Variants in GRAMD4 observed in about 807,000 individuals in gnomAD.
GRAMD4 encodes GRAM domain containing 4.
In GRAMD4, 25 loss-of-function variants were observed where a neutral mutation model predicts 83.9. That is an observed-to-expected ratio of 0.30 (90% CI 0.22 to 0.42). The LOEUF (loss-of-function observed/expected upper bound fraction) is 0.42, where lower values mean the gene tolerates loss of function less well. Among genes scored for constraint, GRAMD4 ranks in the 10% least tolerant of loss-of-function variants. The probability of loss-of-function intolerance (pLI) is 1.00; values close to 1 mark genes in which losing one functional copy is unlikely to be tolerated. For missense variants in GRAMD4, 593 were observed against 788.7 expected (o/e 0.75, Z 2.97); for synonymous variants, 336 against 320.9 (o/e 1.05, Z -0.50).
chr22:46,609,126 C>T (rs943439609), intron 1 of GRAMD4, among the ~76,000 whole-genome samples: 2 of 145,968 alleles, frequency 1.4e-5, no homozygotes, highest in Non-Finnish European at 3.0e-5. Context: ...AACAACAACC[C>T]GAAAAGCCCA....
At chr22:46,661,605 C>T (rs2082329016) in intron 5 of GRAMD4, among the ~76,000 whole-genome samples, 163 bp downstream of exon 5, 1 of 152,232 alleles carries the variant, frequency 6.6e-6, no homozygotes, top group South Asian at 2.1e-4. Flanking sequence ...TGCTGGCATC[C>T]GGGAATCTCC....
At chr22:46,643,283 CCATCCATCCATT>C (rs1210746886) in intron 3 of GRAMD4, among the ~76,000 whole-genome samples, 11 of 151,474 alleles carry the variant, frequency 7.3e-5, no homozygotes, top group Admixed American at 5.3e-4. Flanking sequence ...ATCCATCTAT[CCATCCATCCATT>C]CATCCATCCA....
Position 46,679,388 on chromosome 22 carries a change from C to CG in GRAMD4, c.*2142dup, listed in dbSNP as rs2082644303. 1 of 985,112 alleles carries CG rather than the reference C, an allele frequency of 1.0e-6. No homozygotes were observed. The highest frequency in any genetic ancestry group is 4.7e-5 in the South Asian group (1 of 21,284). 61.0% of individuals were successfully genotyped at this position (985,112 alleles called of 1,614,324 possible). Reference sequence around the variant, plus strand: ...GGGCCACATTCGGGGAGCGGGGGGTCGGGGGAGGGCCACCGACTGGCTCTG... The same window carrying CG: ...GGGCCACATTCGGGGAGCGGGGGGTCGGGGGGAGGGCCACCGACTGGCTCTG... On this transcript the variant is annotated 3_prime_UTR_variant, in exon 19 of 19. Transcript: ENST00000406902.
At chr22:46,671,287 A>G (rs1451244592) in intron 13 of GRAMD4, 1 of 222,196 alleles carries the variant, frequency 4.5e-6, no homozygotes, top group African/African-American at 2.3e-5. Flanking sequence ...TCACGCCTGT[A>G]ATCCCAGCAC....
chr22:46,644,537 C>A (rs934121679), intron 3 of GRAMD4, among the ~76,000 whole-genome samples: 47 of 152,050 alleles, frequency 3.1e-4, no homozygotes, highest in African/African-American at 1.1e-3. Context: ...TACACCTGTC[C>A]CTGTTCTGTG....
intron 1 of GRAMD4, among the ~76,000 whole-genome samples, chr22:46,623,970 T>C (rs138484): frequency 0.42 from 63,526 of 151,552 alleles, 14,967 homozygotes; most frequent in African/African-American, 0.62. Context: ...TAAGCAGAGA[T>C]GGAGGTTCGC....
At chr22:46,620,305 C>G (rs1006929873), upstream of GRAMD4, 1 of 985,610 alleles carries the variant, frequency 1.0e-6, no homozygotes, top group African/African-American at 1.7e-5. The surrounding 1 kb of genome is among the most constrained non-coding windows in gnomAD (Gnocchi z 4.7). Flanking sequence ...GGGCCTGGAG[C>G]CTGGCCGGGC....
rs1445475215 is a variant in GRAMD4, at chr22:46,677,399, T to G, written c.*148T>G. 1.4e-6 allele frequency: 2 copies of G among 1,383,956 alleles called. No homozygotes were observed. Among genetic ancestry groups the G allele is most frequent in the African/African-American group, 2.9e-5 (2 of 68,776 alleles). 85.7% of individuals were successfully genotyped at this position (1,383,956 alleles called of 1,614,324 possible). A position where few individuals can be genotyped will look rare whatever the true frequency, so the allele number is the denominator to read the frequency against. ...GACCTGTGGTTCTATTGTGTTGACC[T>G]CTGCGTTTTATCGACCAAGAAGGGG... On this transcript the variant is annotated 3_prime_UTR_variant, in exon 19 of 19. Coordinates refer to ENST00000406902, the MANE Select transcript of GRAMD4 (RefSeq NM_015124.5).
downstream of GRAMD4, chr22:46,679,787 G>C: frequency 2.0e-6 from 2 of 984,350 alleles, no homozygotes; most frequent in African/African-American, 3.5e-5. Context: ...TTGTGCTAAG[G>C]CTCAGGGCTG....
chr22:46,584,294 C>T (rs56792070), intron 1 of GRAMD4, among the ~76,000 whole-genome samples: 202 of 152,050 alleles, frequency 1.3e-3, no homozygotes, highest in African/African-American at 4.4e-3. Flanking sequence ...TCATCACTAC[C>T]GGGGTGTCAT....
At chr22:46,580,830 G>T (rs189456993) in intron 1 of GRAMD4, among the ~76,000 whole-genome samples, 147 of 152,220 alleles carry the variant, frequency 9.7e-4, no homozygotes, top group African/African-American at 3.3e-3. Flanking sequence ...AGCCGGGCGT[G>T]TTGGCGCATG....
intron 3 of GRAMD4, 83 bp downstream of exon 3, chr22:46,638,043 G>T: frequency 6.8e-7 from 1 of 1,477,478 alleles, no homozygotes; most frequent in Admixed American, 1.7e-5. Context: ...TTGCCCAGGA[G>T]CTGGGTCTGG....
chr22:46,653,495 G>A (rs1011991150), intron 3 of GRAMD4, among the ~76,000 whole-genome samples: 2 of 152,186 alleles, frequency 1.3e-5, no homozygotes, highest in African/African-American at 4.8e-5. Context: ...TGGCATCCCA[G>A]GCTCCAGGAG....
At chr22:46,606,911 A>G (rs1395808521) in intron 1 of GRAMD4, among the ~76,000 whole-genome samples, 1 of 152,122 alleles carries the variant, frequency 6.6e-6, no homozygotes, top group African/African-American at 2.4e-5. Context: ...GTCATATGGT[A>G]GTTCTGTTTT....
chr22:46,680,581 T>TCCACCCACCCACCCAC (rs1569313368), downstream of GRAMD4, among the ~76,000 whole-genome samples: 3 of 15,396 alleles, frequency 1.9e-4, no homozygotes, highest in Non-Finnish European at 1.5e-4. Flanking sequence ...CATCCATCCA[T>TCCACCCACCCACCCAC]CCATCCATCC....
At chr22:46,676,350 C>A (rs1008877753) in intron 17 of GRAMD4, among the ~76,000 whole-genome samples, 1 of 152,232 alleles carries the variant, frequency 6.6e-6, no homozygotes, top group African/African-American at 2.4e-5. Context: ...CGGCTTGTCT[C>A]TGACCTTCCT....
At chr22:46,613,269 G>A (rs947156857) in intron 1 of GRAMD4, among the ~76,000 whole-genome samples, 1 of 152,238 alleles carries the variant, frequency 6.6e-6, no homozygotes, top group Non-Finnish European at 1.5e-5. Flanking sequence ...TCACACAGCT[G>A]TGGCCAGCCT....
chr22:46,651,620 C>G (rs2082167131), intron 3 of GRAMD4, among the ~76,000 whole-genome samples: 1 of 152,240 alleles, frequency 6.6e-6, no homozygotes, highest in Admixed American at 6.5e-5. Context: ...GTGCCCAAGA[C>G]AGGTGCAGGG....
At chr22:46,680,110 T>TG (rs1325481583), downstream of GRAMD4, among the ~76,000 whole-genome samples, 1 of 151,946 alleles carries the variant, frequency 6.6e-6, no homozygotes, top group Non-Finnish European at 1.5e-5. Context: ...CAGGGCGAAG[T>TG]GGGGGAGGTT....
Sources: allele counts gnomAD v4.1 joint callset (sites outside exome capture counted in the v4.1 genomes callset), GRCh38; gene constraint gnomAD v4.1.1; non-coding constraint Gnocchi (gnomAD v3.1); transcripts MANE v1.5; gene names NCBI Gene and HGNC (gene_info 2026-07-23, HGNC 2026-07-21).